Variants in WDR62 observed in about 807,000 individuals in gnomAD.
The protein encoded by WDR62 is WD repeat domain 62, also known as WD repeat-containing protein 62.
Under a neutral mutation model 160.6 loss-of-function variants are expected in WDR62, and 112 were observed. The ratio of observed to expected loss-of-function variants is 0.70; its 90% CI spans 0.60 to 0.82. The LOEUF (loss-of-function observed/expected upper bound fraction) is 0.82, where lower values mean the gene tolerates loss of function less well. Ranked by LOEUF, WDR62 falls within the 40% of genes least tolerant of loss-of-function variation. WDR62 has a pLI of 0.00. For synonymous variants in WDR62, 792 were observed against 815.1 expected, an observed-to-expected ratio of 0.97 and a Z score of 0.48; for missense variants, 1,819 against 1,983.8, an observed-to-expected ratio of 0.92 and a Z score of 1.58.
rs766821082 is a variant in WDR62 at position 36,103,828 on chromosome 19, G to A, written c.4000G>A (p.Glu1334Lys). Reference protein sequence around the residue: ...VSFPAPSPVEESALRLHGSAF... With the variant: ...VSFPAPSPVEKSALRLHGSAF... ...CTTCCCAGCCCCTAGCCCTGTGGAA[G>A]AGAGCGCCCTGAGGCTCCACGGCTC... Residue 1334 changes from glutamate (E) to lysine (K), a missense_variant, in exon 30 of 32, where the codon GAG becomes AAG. Around this residue, in one of 3 missense-constraint regions of WDR62, gnomAD observed 770 missense variants for 734.2 expected, o/e 1.05. Transcript: ENST00000401500. 1.1e-5 allele frequency: 18 copies of A among 1,606,620 alleles called. No homozygotes were observed. In the South Asian group the frequency reaches 1.8e-4, roughly 16 times the overall value.
intron 3 of WDR62, chr19:36,061,221 CTG>C (rs1264944092): frequency 1.3e-5 from 2 of 152,312 alleles, no homozygotes; most frequent in African/African-American, 2.4e-5. Flanking sequence ...TTGCTCCTAA[CTG>C]TGGGTTCTGT....
At chr19:36,079,506 C>T (rs998838668) in intron 9 of WDR62, among the ~76,000 whole-genome samples, 14 of 152,168 alleles carry the variant, frequency 9.2e-5, no homozygotes, top group Admixed American at 8.5e-4. Flanking sequence ...TGGTCAATTT[C>T]ATTTCTACTC....
rs1973311778 is a variant in WDR62, at chr19:36,101,220, T to TA, written c.2874_2875insA (p.Cys959MetfsTer32). 2 of 1,612,256 alleles carry TA rather than the reference T, an allele frequency of 1.2e-6. No individual in the cohort carries two copies. Among genetic ancestry groups the TA allele is most frequent in the Non-Finnish European group, 1.7e-6 (2 of 1,179,548 alleles). On this transcript the variant is annotated frameshift_variant, in exon 24 of 32. Coordinates refer to ENST00000401500, the MANE Select transcript of WDR62 (RefSeq NM_001083961.2). LOFTEE classifies it high-confidence loss of function. ...GCCCCCACTGGCACTGCAGCCAGTA[T>TA]TGCAGGAAGGAGGTGGAGGCCGGGC... is the stretch of plus-strand genomic sequence containing the variant.
At chr19:36,102,251 G>A (rs1973405469) in intron 26 of WDR62, 100 bp downstream of exon 26, 1 of 1,550,590 alleles carries the variant, frequency 6.4e-7, no homozygotes, top group Admixed American at 1.7e-5. Flanking sequence ...CCAGGAGGGT[G>A]AGTGGAGAGC....
chr19:36,102,157 GC>G lies in WDR62; in HGVS notation c.3220+9del. 1 of 1,613,596 alleles carries G rather than the reference GC, an allele frequency of 6.2e-7. No homozygotes were observed. The highest frequency in any genetic ancestry group is 8.5e-7 in the Non-Finnish European group (1 of 1,180,034). On this transcript the variant is annotated splice_region_variant and intron_variant, in intron 26 of 31. Coordinates refer to ENST00000401500, the MANE Select transcript of WDR62 (RefSeq NM_001083961.2). Reference sequence around the variant, plus strand: ...GACTGAGTCCCCCTGCAGAGGTAGGGCCCTGCCTCACCCACACCTGCCGAGG... The same window carrying G: ...GACTGAGTCCCCCTGCAGAGGTAGGGCCTGCCTCACCCACACCTGCCGAGG...
At chr19:36,101,398 AC>A in intron 24 of WDR62, 81 bp downstream of exon 24, 2 of 1,243,786 alleles carry the variant, frequency 1.6e-6, no homozygotes, top group Non-Finnish European at 1.2e-6. Context: ...GGTGACTTTG[AC>A]CCAGTACTGA....
chr19:36,067,542 CT>C, intron 6 of WDR62, 99 bp downstream of exon 6: 1 of 1,568,836 alleles, frequency 6.4e-7, no homozygotes, highest in Non-Finnish European at 8.7e-7. Flanking sequence ...GGGCAGCGGT[CT>C]CGGGCCATTT....
intron 15 of WDR62, 44 bp from the exon 16 acceptor site, chr19:36,090,401 G>A (rs747159783): frequency 6.3e-7 from 1 of 1,592,898 alleles, no homozygotes; most frequent in East Asian, 2.2e-5. Context: ...AGGTGGTGGG[G>A]TAGGCGGGGC....
intron 3 of WDR62, 35 bp from the exon 4 acceptor site, chr19:36,065,923 C>G: frequency 6.2e-7 from 1 of 1,611,338 alleles, no homozygotes; most frequent in Non-Finnish European, 8.5e-7. Context: ...CCACCCTCAG[C>G]GGAACCAGTG....
Position 36,073,530 on chromosome 19 carries a change from AG to A in WDR62, c.1233+1del. 1.9e-6 allele frequency: 3 copies of A among 1,609,348 alleles called. No homozygotes were observed. Among genetic ancestry groups the A allele is most frequent in the Non-Finnish European group, 2.5e-6 (3 of 1,176,950 alleles). On this transcript the variant is annotated frameshift_variant and splice_region_variant, in exon 9 of 32. Coordinates refer to ENST00000401500, the MANE Select transcript of WDR62 (RefSeq NM_001083961.2). LOFTEE classifies it high-confidence loss of function. The stretch of plus-strand genomic sequence containing the variant: ...CACAGCTCCTACGTTTGGAACGTGG[AG>A]GTGAGCCCCCCCCCCACCCCCTTGC... ...LFHSSYVWNVEVYPEFEDQRA... is the reference protein window; with the variant it reads ...LFHSSYVWNVXVYPEFEDQRA...
intron 3 of WDR62, among the ~76,000 whole-genome samples, chr19:36,063,922 C>A (rs150828347): frequency 1.3e-5 from 2 of 152,368 alleles, no homozygotes; most frequent in East Asian, 3.9e-4. Context: ...CCAGGGAAAT[C>A]TAATGTACAG....
downstream of WDR62, among the ~76,000 whole-genome samples, chr19:36,106,029 A>G (rs952010822): frequency 1.3e-5 from 2 of 152,190 alleles, no homozygotes; most frequent in Admixed American, 6.5e-5. Flanking sequence ...AAAACAAAAT[A>G]AAACAAGAAA....
At chr19:36,101,192 T>C (rs1204413259) in intron 23 of WDR62, 22 bp from the exon 24 acceptor site, 5 of 1,599,952 alleles carry the variant, frequency 3.1e-6, no homozygotes, top group Non-Finnish European at 3.4e-6. Context: ...TTGTTCCCTC[T>C]CTGCCCCCAC....
chr19:36,110,200 G>A, the WDR62 span, among the ~76,000 whole-genome samples: 8 of 152,022 alleles, frequency 5.3e-5, no homozygotes, highest in African/African-American at 1.7e-4. Flanking sequence ...GCCAGGTGCG[G>A]TGGCTCATGC....
intron 21 of WDR62, among the ~76,000 whole-genome samples, chr19:36,098,336 G>T (rs567896394): frequency 6.6e-6 from 1 of 151,932 alleles, no homozygotes; most frequent in Admixed American, 6.5e-5. Context: ...GGAGGCCAAG[G>T]CGGGTGTAAT....
downstream of WDR62, among the ~76,000 whole-genome samples, chr19:36,110,031 G>A (rs1973780533): frequency 6.6e-6 from 1 of 152,018 alleles, no homozygotes; most frequent in Non-Finnish European, 1.5e-5. Context: ...ACTCCAGCCT[G>A]GGCAACGAGC....
downstream of WDR62, chr19:36,105,248 C>G: frequency 3.2e-6 from 2 of 627,250 alleles, no homozygotes; most frequent in Admixed American, 2.9e-5. Flanking sequence ...AGTTCAGGAA[C>G]TGCAGCCATG....
At chr19:36,104,455 G>A (rs749629057) in intron 30 of WDR62, 63 bp from the exon 31 acceptor site, 7 of 1,595,978 alleles carry the variant, frequency 4.4e-6, no homozygotes, top group African/African-American at 2.7e-5. Context: ...CCACCCAGTC[G>A]CTCTGGCCGC....
intron 9 of WDR62, among the ~76,000 whole-genome samples, chr19:36,077,744 T>C (rs927477720): frequency 2.0e-5 from 3 of 151,914 alleles, no homozygotes; most frequent in African/African-American, 7.2e-5. Context: ...TACAGGCACA[T>C]GCCACCATGC....
Sources: allele counts gnomAD v4.1 joint callset (sites outside exome capture counted in the v4.1 genomes callset), GRCh38; gene constraint gnomAD v4.1.1; regional missense constraint gnomAD v4.1.1; transcripts MANE v1.5; gene names NCBI Gene and HGNC (gene_info 2026-07-23, HGNC 2026-07-21).